Variants in SLC37A1 observed in about 807,000 individuals in gnomAD.
SLC37A1 encodes glucose-6-phosphate exchanger SLC37A1.
SLC37A1 carries 49 observed loss-of-function variants against 75.3 expected under a neutral mutation model. The observed-to-expected ratio is 0.65, with a 90% confidence interval of 0.52 to 0.83. The LOEUF (loss-of-function observed/expected upper bound fraction) is 0.83. Among genes scored for constraint, SLC37A1 ranks in the 40% least tolerant of loss-of-function variants. The probability of loss-of-function intolerance (pLI) is 0.00; values close to 1 mark genes in which losing one functional copy is unlikely to be tolerated. For synonymous variants in SLC37A1, 268 were observed against 292.1 expected (o/e 0.92, Z 0.84); for missense variants, 566 against 695.0 (o/e 0.81, Z 2.09).
chr21:42,563,058 C>T (rs1172888797), intron 12 of SLC37A1, among the ~76,000 whole-genome samples: 1 of 152,116 alleles, frequency 6.6e-6, no homozygotes. Context: ...CACAGCCTAG[C>T]AGGGACAGGG....
chr21:42,530,955 C>G (rs1019620305), intron 3 of SLC37A1, among the ~76,000 whole-genome samples: 2 of 152,246 alleles, frequency 1.3e-5, no homozygotes, highest in African/African-American at 4.8e-5. Flanking sequence ...TCATGGAATG[C>G]AGGCGAATAC....
chr21:42,568,261 T>C, intron 16 of SLC37A1, 99 bp from the exon 17 acceptor site: 1 of 911,704 alleles, frequency 1.1e-6, no homozygotes, highest in Non-Finnish European at 1.8e-6. Flanking sequence ...TCACGATGAG[T>C]TGTTTTGCAG....
intron 1 of SLC37A1, among the ~76,000 whole-genome samples, chr21:42,515,856 T>G (rs2054512710): frequency 6.6e-6 from 1 of 152,144 alleles, no homozygotes; most frequent in South Asian, 2.1e-4. Context: ...CTTCCCAGGT[T>G]CAAGTGATTT....
rs758909536 is a variant in SLC37A1 at position 42,535,573 on chromosome 21, G to C, written c.350+23G>C. ...CAGGTAGGTCTCCTTCAGTTTTCCA[G>C]ACCCTTCCTGGTTACCTGGCCCCTC... On this transcript the variant is annotated intron_variant, in intron 5 of 19. Coordinates refer to ENST00000352133, the MANE Select transcript of SLC37A1 (RefSeq NM_001320537.2). The C allele has an allele frequency of 2.5e-6, 4 of 1,604,102 alleles. No individual in the cohort carries two copies. In the African/African-American group the frequency reaches 5.4e-5, roughly 21 times the overall value.
intron 3 of SLC37A1, 71 bp from the exon 4 acceptor site, chr21:42,534,627 C>T: frequency 1.3e-6 from 2 of 1,545,010 alleles, no homozygotes; most frequent in Non-Finnish European, 1.8e-6. Flanking sequence ...GACTGTTCCT[C>T]TCTGTGCCCC....
intron 1 of SLC37A1, among the ~76,000 whole-genome samples, 188 bp from the exon 2 acceptor site, chr21:42,518,089 G>A (rs1277439199): frequency 6.6e-6 from 1 of 152,174 alleles, no homozygotes; most frequent in African/African-American, 2.4e-5. Flanking sequence ...CGCCTCAAGG[G>A]TAGATACTCC....
chr21:42,574,911 T>C lies in SLC37A1; in HGVS notation c.1517T>C (p.Leu506Ser), dbSNP rs750968702. ...CTGATGTTTGCAGATGCCTGTGCCTTACTGGTAAGTCGGCCTATTTTTAGT... is the reference window on the plus strand; with the variant it reads ...CTGATGTTTGCAGATGCCTGTGCCTCACTGGTAAGTCGGCCTATTTTTAGT... ...YMLMFADACA[L>S]LFLIRLIHKE... The change falls in exon 18 of 20, where the codon TTA (leucine) becomes TCA (serine). Residue 506 changes from leucine to serine, a missense_variant. Transcript: ENST00000352133. 22 of 1,614,014 alleles carry C rather than the reference T, an allele frequency of 1.4e-5. No homozygotes were observed. Among genetic ancestry groups the C allele is most frequent in the Non-Finnish European group, 1.8e-5 (21 of 1,179,998 alleles).
intron 2 of SLC37A1, among the ~76,000 whole-genome samples, chr21:42,508,122 CTTTTT>C (rs398036474): frequency 1.2e-5 from 1 of 80,946 alleles, no homozygotes; most frequent in South Asian, 4.5e-4. Context: ...AGAGTACGCT[CTTTTT>C]TTTTTTTTTT....
intron 11 of SLC37A1, chr21:42,561,804 A>G: frequency 2.4e-6 from 1 of 422,980 alleles, no homozygotes. Flanking sequence ...CCCATGTGAC[A>G]GTGGCCGAGG....
rs2055222649 is a variant in SLC37A1 at position 42,539,570 on chromosome 21, AGCGGAGCCTTCACCGCCCTGTTCG to A, written c.412_435del (p.Gly138_Gly145del). On this transcript the variant is annotated inframe_deletion, in exon 6 of 20. Transcript: ENST00000352133. ...TTACCTAACTTTCGGGATGCTCGCC[AGCGGAGCCTTCACCGCCCTGTTCG>A]GCTTAGGGTATTTCTACAACATCCA... is the stretch of plus-strand genomic sequence containing the variant. The A allele has an allele frequency of 1.2e-6, 2 of 1,613,976 alleles. No homozygotes were observed. Among genetic ancestry groups the A allele is most frequent in the South Asian group, 2.2e-5 (2 of 91,080 alleles).
At chr21:42,546,473 TC>T (rs2055409523) in intron 8 of SLC37A1, among the ~76,000 whole-genome samples, 1 of 152,256 alleles carries the variant, frequency 6.6e-6, no homozygotes, top group South Asian at 2.1e-4. Context: ...TTGCTTTTCT[TC>T]TGGGGCTTGT....
At position 42,545,628 on chromosome 21, in the gene SLC37A1, G is replaced by T. The variant is rs2839544; in HGVS notation, c.731-1475G>T. Among the ~76,000 whole-genome samples the T allele has an allele frequency of 6.6e-6, 1 of 152,214 alleles. No individual in the cohort carries two copies. The highest frequency in any genetic ancestry group is 1.9e-4 in the East Asian group (1 of 5,198). ...CTCAAATGTGTCCCAGCCAAGGGAC[G>T]TGTGTGCCCAAGTCCCTGAAGGTGA... On this transcript the variant is annotated intron_variant, in intron 8 of 19. Coordinates refer to ENST00000352133, the MANE Select transcript of SLC37A1 (RefSeq NM_001320537.2). This position sits in a 1 kb window ranked among gnomAD's most constrained non-coding sequence, Gnocchi z 4.0.
At chr21:42,564,478 G>A (rs145683845) in intron 13 of SLC37A1, among the ~76,000 whole-genome samples, 1 of 152,156 alleles carries the variant, frequency 6.6e-6, no homozygotes, top group East Asian at 1.9e-4. Context: ...GGGCTTCGAG[G>A]CTGGCCTAAA....
At position 42,534,981 on chromosome 21, in the gene SLC37A1, C is replaced by T. The variant is rs2055096432; in HGVS notation, c.271+151C>T. 2.6e-5 allele frequency: 29 copies of T among 1,110,412 alleles called. No homozygotes were observed. The East Asian group carries it at 5.0e-4, about 19-fold the overall frequency. The allele number at this position is 1,110,412 out of a possible 1,614,324, so 68.8% of individuals were successfully genotyped here. On this transcript the variant is annotated intron_variant, in intron 4 of 19. Coordinates refer to ENST00000352133, the MANE Select transcript of SLC37A1 (RefSeq NM_001320537.2). ...CAAAAAGCACATGACTTCACCGCCA[C>T]GGTGTCCACAGTGCCTGTGCGCAGA...
chr21:42,566,988 T>C lies in SLC37A1; in HGVS notation c.1274T>C (p.Met425Thr). ...TTTGCCCCTCTGCCTCCCACAGCCA[T>C]GCTGCTGCTCAGCGGAGCCCTGGTC... ...SKMGLEATIAMLLLSGALVSG... is the reference protein window; with the variant it reads ...SKMGLEATIATLLLSGALVSG... The change falls in exon 16 of 20, where the codon ATG becomes ACG. Residue 425 changes from methionine to threonine, a missense_variant. Physicochemically the swap from Met to Thr is moderately conservative, Grantham distance 81. Transcript: ENST00000352133. 1 of 1,606,870 alleles carries C rather than the reference T, an allele frequency of 6.2e-7. No homozygotes were observed. Among genetic ancestry groups the C allele is most frequent in the South Asian group, 1.1e-5 (1 of 90,924 alleles).
In SLC37A1 at chr21:42,580,381, G is replaced by A. The variant is rs200653895; in HGVS notation, c.*21G>A. 40 of 1,612,526 alleles carry A rather than the reference G, an allele frequency of 2.5e-5. No individual in the cohort carries two copies. The highest frequency in any genetic ancestry group is 3.1e-5 in the Non-Finnish European group (37 of 1,179,470). ...AGTGACACCCCACCCCAGTCCCGTG[G>A]AGGGGGTCTGGGCCCACCCTTCACA... is the stretch of plus-strand genomic sequence containing the variant. On this transcript the variant is annotated 3_prime_UTR_variant, in exon 20 of 20. Transcript: ENST00000352133.
intron 18 of SLC37A1, 28 bp from the exon 19 acceptor site, chr21:42,579,708 A>G (rs903681684): frequency 3.1e-6 from 5 of 1,613,838 alleles, no homozygotes; most frequent in Non-Finnish European, 4.2e-6. Flanking sequence ...CTCCAGTAAC[A>G]GGTGGGCTCA....
At chr21:42,556,019 C>T (rs1039742582) in intron 10 of SLC37A1, among the ~76,000 whole-genome samples, 2 of 152,204 alleles carry the variant, frequency 1.3e-5, no homozygotes, top group Non-Finnish European at 2.9e-5. Context: ...TGTCACCCAG[C>T]CCCTGACCTC....
chr21:42,518,338 T>G lies in SLC37A1; in HGVS notation c.-117T>G. The G allele has an allele frequency of 7.4e-7, 1 of 1,350,966 alleles. No individual in the cohort carries two copies. Among genetic ancestry groups the G allele is most frequent in the Non-Finnish European group, 1.1e-6 (1 of 946,882 alleles). The allele number at this position is 1,350,966 out of a possible 1,614,324, so 83.7% of individuals were successfully genotyped here. A position where few individuals can be genotyped will look rare whatever the true frequency, so the allele number is the denominator to read the frequency against. On this transcript the variant is annotated 5_prime_UTR_variant, in exon 2 of 20. Coordinates refer to ENST00000352133, the MANE Select transcript of SLC37A1 (RefSeq NM_001320537.2). ...CCAGCAGGACACCTTCTTTCCACGCTTTCCAGCCTGTGGGAGCGGCAGGGG... is the reference window on the plus strand; with the variant it reads ...CCAGCAGGACACCTTCTTTCCACGCGTTCCAGCCTGTGGGAGCGGCAGGGG...
Sources: gnomAD v4.1 joint callset for allele counts (sites outside exome capture counted in the v4.1 genomes callset) on GRCh38, gnomAD v4.1.1 for gene constraint, Gnocchi (gnomAD v3.1) non-coding constraint, MANE v1.5 for transcripts, NCBI Gene and HGNC (gene_info 2026-07-23, HGNC 2026-07-21) for gene names.